Variants in VAV2 observed in about 807,000 individuals in gnomAD.
VAV2 encodes the protein vav guanine nucleotide exchange factor 2.
VAV2 carries 67 observed loss-of-function variants against 132.5 expected under a neutral mutation model. The ratio of observed to expected loss-of-function variants is 0.51; its 90% CI spans 0.42 to 0.62. The LOEUF (loss-of-function observed/expected upper bound fraction) is 0.62. Among genes scored for constraint, VAV2 ranks in the 20% least tolerant of loss-of-function variants. The pLI is 0.00. For synonymous variants in VAV2, 492 were observed against 443.5 expected (o/e 1.11, Z -1.37); for missense variants, 938 against 1,153.6 (o/e 0.81, Z 2.71).
rs563613490 is a variant in VAV2 at position 133,814,436 on chromosome 9, C to A, written c.450-2220G>T. On this transcript the variant is annotated intron_variant, in intron 4 of 29. Coordinates refer to ENST00000371850, the MANE Select transcript of VAV2 (RefSeq NM_001134398.2). ...CTGGCGGCAAAGCCTCTGTCGAAAA[C>A]TCTTGACAGCTGGAGGCGAGGCGAG... Among the ~76,000 whole-genome samples the A allele has an allele frequency of 7.9e-4, 121 of 152,376 alleles. 1 individual carries two copies. The highest frequency in any genetic ancestry group is 2.9e-3 in the African/African-American group (120 of 41,594).
intron 2 of VAV2, among the ~76,000 whole-genome samples, chr9:133,880,025 T>C (rs1271629655): frequency 2.0e-5 from 3 of 151,760 alleles, no homozygotes; most frequent in Non-Finnish European, 4.4e-5. Flanking sequence ...ACCATGAGAG[T>C]GAGGACACGG....
chr9:133,772,079 G>C (rs373654300), intron 25 of VAV2, 33 bp from the exon 26 acceptor site: 4 of 1,595,064 alleles, frequency 2.5e-6, no homozygotes, highest in Non-Finnish European at 3.4e-6. Context: ...CGGTCACCGC[G>C]TGAGGGCCAC....
At chr9:133,859,221 G>A (rs567300606) in intron 3 of VAV2, among the ~76,000 whole-genome samples, 1 of 152,224 alleles carries the variant, frequency 6.6e-6, no homozygotes, top group African/African-American at 2.4e-5. Context: ...CACCACCCCC[G>A]AAGCCACCAA....
chr9:133,783,288 G>A (rs549260248), intron 19 of VAV2, among the ~76,000 whole-genome samples: 1 of 152,254 alleles, frequency 6.6e-6, no homozygotes, highest in African/African-American at 2.4e-5. Flanking sequence ...TAGGAGAGAG[G>A]GCTTGGAATG....
Position 133,780,721 on chromosome 9 carries a change from A to G in VAV2, c.1724-11T>C. 1 of 1,275,618 alleles carries G rather than the reference A, an allele frequency of 7.8e-7. No homozygotes were observed. Among genetic ancestry groups the G allele is most frequent in the Non-Finnish European group, 1.0e-6 (1 of 1,002,726 alleles). The allele number at this position is 1,275,618 out of a possible 1,614,324, so 79.0% of individuals were successfully genotyped here. On this transcript the variant is annotated splice_polypyrimidine_tract_variant and intron_variant, in intron 19 of 29. Transcript: ENST00000371850. ...GATCTGCAGGAGAAGCTGGAAAGGA[A>G]GCAGGTCAGGTGTTAGAGGGGAGGC...
intron 3 of VAV2, among the ~76,000 whole-genome samples, chr9:133,835,242 C>T (rs1488198856): frequency 6.6e-6 from 1 of 152,044 alleles, no homozygotes; most frequent in African/African-American, 2.4e-5. Flanking sequence ...TTTTTCCTCC[C>T]CCAGGACCCA....
chr9:133,768,310 G>A lies in VAV2; in HGVS notation c.2589+132C>T, dbSNP rs146619577. 323 of 1,283,678 alleles carry A rather than the reference G, an allele frequency of 2.5e-4. 1 individual carries two copies. In the African/African-American group the frequency reaches 3.8e-3, roughly 15 times the overall value. 79.5% of individuals were successfully genotyped at this position (1,283,678 alleles called of 1,614,324 possible). ...CAACCTTCTGGGCTGCTGTGAGGATGAGGGAGATTGCAGAGGGTGTCTGGA... is the reference window on the plus strand; with the variant it reads ...CAACCTTCTGGGCTGCTGTGAGGATAAGGGAGATTGCAGAGGGTGTCTGGA... On this transcript the variant is annotated intron_variant, in intron 29 of 29. Transcript: ENST00000371850. The surrounding 1 kb of genome is among the most constrained non-coding windows in gnomAD (Gnocchi z 5.3).
At chr9:133,878,083 G>A (rs1838334730) in intron 2 of VAV2, among the ~76,000 whole-genome samples, 1 of 152,190 alleles carries the variant, frequency 6.6e-6, no homozygotes, top group Non-Finnish European at 1.5e-5. Flanking sequence ...GCCCACCCAG[G>A]CCCTTAGGCT....
intron 4 of VAV2, among the ~76,000 whole-genome samples, chr9:133,816,330 T>A (rs1399040410): frequency 6.6e-6 from 1 of 152,226 alleles, no homozygotes; most frequent in Admixed American, 6.5e-5. Flanking sequence ...AAGCCTAATT[T>A]ATCACCTTTC....
At chr9:133,846,078 GC>G (rs1836923131) in intron 3 of VAV2, among the ~76,000 whole-genome samples, 2 of 152,244 alleles carry the variant, frequency 1.3e-5, no homozygotes, top group South Asian at 4.1e-4. Context: ...CAGGACGGAA[GC>G]TGTGCTGAAG....
intron 2 of VAV2, among the ~76,000 whole-genome samples, chr9:133,902,360 C>G (rs1409240151): frequency 6.6e-6 from 1 of 152,164 alleles, no homozygotes; most frequent in Non-Finnish European, 1.5e-5. Context: ...CAAACCTCCT[C>G]CATGCAGACA....
chr9:133,787,278 G>A lies in VAV2; in HGVS notation c.1408-18C>T. On this transcript the variant is annotated intron_variant, in intron 15 of 29. Transcript: ENST00000371850. ...CCGTGAGACTAGGAAGCATGGAGAG[G>A]AGAGGAAGGGGAAGACGGTCAGTGA... is the stretch of plus-strand genomic sequence containing the variant. 6.3e-7 allele frequency: 1 copy of A among 1,581,744 alleles called. No individual in the cohort carries two copies. The highest frequency in any genetic ancestry group is 1.2e-5 in the South Asian group (1 of 86,332).
At chr9:133,898,139 G>T (rs1460183720) in intron 2 of VAV2, among the ~76,000 whole-genome samples, 1 of 152,124 alleles carries the variant, frequency 6.6e-6, no homozygotes, top group Non-Finnish European at 1.5e-5. Flanking sequence ...GAGGGACCTC[G>T]GAGATGGGCC....
chr9:133,787,386 G>T, intron 15 of VAV2, 126 bp from the exon 16 acceptor site: 1 of 1,124,718 alleles, frequency 8.9e-7, no homozygotes, highest in Non-Finnish European at 1.2e-6. Context: ...CCAGTGCCCA[G>T]GCTGGGGGTG....
At chr9:133,791,695 G>T (rs1463972402) in intron 13 of VAV2, 88 bp downstream of exon 13, 2 of 1,177,106 alleles carry the variant, frequency 1.7e-6, no homozygotes, top group Admixed American at 1.7e-5. Context: ...GCTGCCCATG[G>T]AGCTCACTCA....
chr9:133,990,118 G>T (rs972820344), intron 1 of VAV2, among the ~76,000 whole-genome samples: 1 of 152,164 alleles, frequency 6.6e-6, no homozygotes, highest in Admixed American at 6.5e-5. Context: ...TGCCTACCTG[G>T]GAGGGGACAG....
intron 2 of VAV2, among the ~76,000 whole-genome samples, chr9:133,899,502 G>A (rs1839354817): frequency 6.6e-6 from 1 of 151,812 alleles, no homozygotes; most frequent in Admixed American, 6.6e-5. Context: ...TCTGCCTCCT[G>A]GGTTCAAGCG....
intron 9 of VAV2, among the ~76,000 whole-genome samples, chr9:133,801,775 G>T (rs976530939): frequency 6.6e-6 from 1 of 152,182 alleles, no homozygotes; most frequent in African/African-American, 2.4e-5. Flanking sequence ...ACACAGAGAC[G>T]CGGGGAGGCC....
At chr9:133,964,827 C>T (rs1444240934) in intron 1 of VAV2, among the ~76,000 whole-genome samples, 1 of 152,178 alleles carries the variant, frequency 6.6e-6, no homozygotes, top group African/African-American at 2.4e-5. Context: ...CTCCTCTACA[C>T]AATAAAGGTC....
Sources: allele counts gnomAD v4.1 joint callset (sites outside exome capture counted in the v4.1 genomes callset), GRCh38; gene constraint gnomAD v4.1.1; non-coding constraint Gnocchi (gnomAD v3.1); transcripts MANE v1.5; gene names NCBI Gene and HGNC (gene_info 2026-07-23, HGNC 2026-07-21).